The following FAM136A variants were observed in gnomAD, a reference collection of about 807,000 sequenced individuals.
The protein encoded by FAM136A is TIM double twin CX3C motif protein.
In FAM136A, 25 loss-of-function variants were observed where a neutral mutation model predicts 21.6. The ratio of observed to expected loss-of-function variants is 1.16; its 90% CI spans 0.84 to 1.62. FAM136A has a LOEUF of 1.62. FAM136A is among the 40% of genes most tolerant of loss of function. The probability of loss-of-function intolerance (pLI) is 0.00; values close to 1 mark genes in which losing one functional copy is unlikely to be tolerated. For missense variants in FAM136A, 338 were observed against 332.0 expected, an observed-to-expected ratio of 1.02 and a Z score of -0.14; for synonymous variants, 119 against 129.4, an observed-to-expected ratio of 0.92 and a Z score of 0.55.
chr2:70,297,338 G>C lies in FAM136A; in HGVS notation c.689C>G (p.Pro230Arg). Residue 230 changes from proline (P) to arginine (R), a missense_variant, in exon 3 of 3, where the codon CCA becomes CGA. By Grantham distance (103) the Pro-to-Arg change is moderately radical. Coordinates refer to ENST00000430566, the MANE Select transcript of FAM136A (RefSeq NM_001329752.2). The stretch of plus-strand genomic sequence containing the variant: ...CTCCTTCATCTTCTTGGTCATAGTT[G>C]GGATGAGGTGCATGTGGTCATCCAC... The part of the protein sequence containing the change: ...KCVDDHMHLI[P>R]TMTKKMKEAL... The C allele has an allele frequency of 6.2e-7, 1 of 1,614,054 alleles. No homozygotes were observed. Among genetic ancestry groups the C allele is most frequent in the Non-Finnish European group, 8.5e-7 (1 of 1,179,900 alleles).
At position 70,301,655 on chromosome 2, in the gene FAM136A, C is replaced by G. The variant is rs777193638; in HGVS notation, c.357G>C (p.Trp119Cys). ...ERPRRQVGSPWWQALAPPPSP... is the reference protein window; with the variant it reads ...ERPRRQVGSPCWQALAPPPSP... ...AAGGTGGTGGGGCGAGCGCCTGCCA[C>G]CAGGGGCTTCCCACCTGCCGCCGAG... is the stretch of plus-strand genomic sequence containing the variant. Residue 119 changes from tryptophan (W) to cysteine (C), a missense_variant, in exon 1 of 3, where the codon TGG (tryptophan) becomes TGC (cysteine). Trp to Cys is a radical substitution (Grantham distance 215, BLOSUM62 -2). Coordinates refer to ENST00000430566, the MANE Select transcript of FAM136A (RefSeq NM_001329752.2). 29 of 1,535,256 alleles carry G rather than the reference C, an allele frequency of 1.9e-5. No individual in the cohort carries two copies. The highest frequency in any genetic ancestry group is 2.7e-5 in the African/African-American group (2 of 73,054).
intron 2 of FAM136A, 169 bp downstream of exon 2, chr2:70,300,671 G>T: frequency 2.8e-6 from 2 of 724,028 alleles, no homozygotes; most frequent in Non-Finnish European, 4.5e-6. Context: ...GCACTCGACC[G>T]CCAAGACTTT....
chr2:70,297,176 G>GTGGCCATCC lies in FAM136A; in HGVS notation c.*104_*112dup. 9.2e-7 allele frequency: 1 copy of GTGGCCATCC among 1,083,452 alleles called. No individual in the cohort carries two copies. Among genetic ancestry groups the GTGGCCATCC allele is most frequent in the Non-Finnish European group, 1.3e-6 (1 of 763,580 alleles). 67.1% of individuals were successfully genotyped at this position (1,083,452 alleles called of 1,614,324 possible). On this transcript the variant is annotated 3_prime_UTR_variant, in exon 3 of 3. Coordinates refer to ENST00000430566, the MANE Select transcript of FAM136A (RefSeq NM_001329752.2). Reference sequence around the variant, plus strand: ...GGCAAGTGACATATGCCTTACGCTTGTGGCCATCCTTCATTTCTTCATTCG... The same window carrying GTGGCCATCC: ...GGCAAGTGACATATGCCTTACGCTTGTGGCCATCCTGGCCATCCTTCATTTCTTCATTCG...
chr2:70,301,518 T>C, intron 1 of FAM136A, 86 bp downstream of exon 1: 1 of 1,535,994 alleles, frequency 6.5e-7, no homozygotes. Flanking sequence ...GAAGCAGGCA[T>C]GACCTGGCCA....
At chr2:70,297,580 A>T in intron 2 of FAM136A, 103 bp from the exon 3 acceptor site, 1 of 947,488 alleles carries the variant, frequency 1.1e-6, no homozygotes, top group Non-Finnish European at 1.5e-6. Context: ...AATATGTATT[A>T]TCTTGGTCAA....
At position 70,302,003 on chromosome 2, in the gene FAM136A, C is replaced by G. The variant is rs1225529932; in HGVS notation, c.9G>C (p.Glu3Asp). The change falls in exon 1 of 3, where the codon GAG becomes GAC. Residue 3 changes from glutamate to aspartate, a missense_variant. Coordinates refer to ENST00000430566, the MANE Select transcript of FAM136A (RefSeq NM_001329752.2). MA[E>D]LQQLRVQEAV... ...CCTCCTGCACCCGGAGCTGCTGCAG[C>G]TCAGCCATGGCGACCCCGCGCTGCC... The G allele has an allele frequency of 6.2e-7, 1 of 1,600,056 alleles. No individual in the cohort carries two copies. Among genetic ancestry groups the G allele is most frequent in the Admixed American group, 1.7e-5 (1 of 58,468 alleles).
intron 2 of FAM136A, among the ~76,000 whole-genome samples, chr2:70,300,346 T>G (rs1200676129): frequency 1.3e-5 from 2 of 152,010 alleles, no homozygotes; most frequent in African/African-American, 4.8e-5. Flanking sequence ...TCTTTTTTTT[T>G]GAGACAGAGT....
chr2:70,301,490 G>C (rs1156839737), intron 1 of FAM136A, 114 bp downstream of exon 1: 1 of 1,535,706 alleles, frequency 6.5e-7, no homozygotes, highest in South Asian at 1.2e-5. Flanking sequence ...GCTGTGTGAA[G>C]CGAGGTTGGG....
chr2:70,301,832 G>A lies in FAM136A; in HGVS notation c.180C>T (p.Ala60=), dbSNP rs555490527. 1.3e-5 allele frequency: 20 copies of A among 1,549,856 alleles called. No homozygotes were observed. Among genetic ancestry groups the A allele is most frequent in the South Asian group, 1.2e-4 (10 of 83,870 alleles). Residue 60 remains alanine, a synonymous_variant, in exon 1 of 3, where the codon GCC becomes GCT. Coordinates refer to ENST00000430566, the MANE Select transcript of FAM136A (RefSeq NM_001329752.2). ...GCCCACACCCGGTCTGCGGGGACGC[G>A]GCTGCAGTGCAAGGCGTCGCGTGGT... ...LSHHATPCTA[A]ASPQTGCGRP... is the part of the protein sequence containing the mutation.
At position 70,297,220 on chromosome 2, in the gene FAM136A, C is replaced by G; in HGVS notation, c.*69G>C. 2 of 1,517,008 alleles carry G rather than the reference C, an allele frequency of 1.3e-6. No homozygotes were observed. Among genetic ancestry groups the G allele is most frequent in the Non-Finnish European group, 1.8e-6 (2 of 1,123,854 alleles). 94.0% of individuals were successfully genotyped at this position (1,517,008 alleles called of 1,614,324 possible). On this transcript the variant is annotated 3_prime_UTR_variant, in exon 3 of 3. Coordinates refer to ENST00000430566, the MANE Select transcript of FAM136A (RefSeq NM_001329752.2). Reference sequence around the variant, plus strand: ...TCATTCGTAAACTTTGCTTAAAAGACTAAAATTCCCAATTCCTTATAAAAA... The same window carrying G: ...TCATTCGTAAACTTTGCTTAAAAGAGTAAAATTCCCAATTCCTTATAAAAA...
chr2:70,297,620 A>AG, intron 2 of FAM136A, 143 bp from the exon 3 acceptor site: 1 of 405,720 alleles, frequency 2.5e-6, no homozygotes, highest in Non-Finnish European at 4.0e-6. Context: ...TGATTGGCCA[A>AG]GTTTTTTTTT....
chr2:70,297,544 T>C, intron 2 of FAM136A, 67 bp from the exon 3 acceptor site: 1 of 1,458,674 alleles, frequency 6.9e-7, no homozygotes. Flanking sequence ...GTGCTCATTA[T>C]GTGTTAGGCC....
At chr2:70,300,785 C>A in intron 2 of FAM136A, 55 bp downstream of exon 2, 1 of 1,503,544 alleles carries the variant, frequency 6.7e-7, no homozygotes, top group Non-Finnish European at 9.0e-7. Context: ...TGCTTGTCAT[C>A]TCCTGCAAAA....
intron 2 of FAM136A, 80 bp downstream of exon 2, chr2:70,300,760 A>G: frequency 3.4e-6 from 5 of 1,455,790 alleles, no homozygotes; most frequent in Non-Finnish European, 4.6e-6. Flanking sequence ...ACTAAAGCCA[A>G]GAGTTTTGAA....
Position 70,296,890 on chromosome 2 carries a change from T to C in FAM136A, c.*399A>G, listed in dbSNP as rs1312135682. 6.3e-6 allele frequency: 1 copy of C among 157,804 alleles called. No homozygotes were observed. Among genetic ancestry groups the C allele is most frequent in the African/African-American group, 2.4e-5 (1 of 41,574 alleles). 9.8% of individuals were successfully genotyped at this position (157,804 alleles called of 1,614,324 possible). On this transcript the variant is annotated 3_prime_UTR_variant, in exon 3 of 3. Coordinates refer to ENST00000430566, the MANE Select transcript of FAM136A (RefSeq NM_001329752.2). ...GGTGACACTTTTGGTAAACAGGATGTTGGCAACAAAGAGAAAATATCTCTC... is the reference window on the plus strand; with the variant it reads ...GGTGACACTTTTGGTAAACAGGATGCTGGCAACAAAGAGAAAATATCTCTC...
In FAM136A at chr2:70,301,791, C is replaced by G. The variant is rs764145190; in HGVS notation, c.221G>C (p.Arg74Pro). ...TCCGAAGTCCTGTCCGAGGCCGCCC[C>G]GGCGACCCCAGGGCCGCCCACACCC... is the stretch of plus-strand genomic sequence containing the variant. Reference protein sequence around the residue: ...QTGCGRPWGRRGGLGQDFGSF... With the variant: ...QTGCGRPWGRPGGLGQDFGSF... The change falls in exon 1 of 3, where the codon CGG becomes CCG. Residue 74 changes from arginine (R) to proline (P), a missense_variant. Coordinates refer to ENST00000430566, the MANE Select transcript of FAM136A (RefSeq NM_001329752.2). 5.8e-5 allele frequency: 90 copies of G among 1,547,278 alleles called. No individual in the cohort carries two copies. Among genetic ancestry groups the G allele is most frequent in the Non-Finnish European group, 6.7e-5 (77 of 1,145,762 alleles).
intron 2 of FAM136A, among the ~76,000 whole-genome samples, chr2:70,297,744 C>T (rs1393867721): frequency 3.4e-5 from 5 of 147,126 alleles, no homozygotes; most frequent in African/African-American, 1.3e-4. Flanking sequence ...CGCTATCTTT[C>T]CACCTCTGCT....
intron 1 of FAM136A, 166 bp downstream of exon 1, chr2:70,301,436 CAG>C (rs1559054511): frequency 1.3e-6 from 2 of 1,535,456 alleles, no homozygotes; most frequent in South Asian, 2.4e-5. Flanking sequence ...CCGAAACACA[CAG>C]AGGCATTGCG....
rs1362563368 is a variant in FAM136A at position 70,301,807 on chromosome 2, G to GC, written c.204dup (p.Arg69AlafsTer21). On this transcript the variant is annotated frameshift_variant, in exon 1 of 3. Transcript: ENST00000430566. LOFTEE classifies it high-confidence loss of function. Reference sequence around the variant, plus strand: ...AGGCCGCCCCGGCGACCCCAGGGCCGCCCACACCCGGTCTGCGGGGACGCG... The same window carrying GC: ...AGGCCGCCCCGGCGACCCCAGGGCCGCCCCACACCCGGTCTGCGGGGACGCG... 1.9e-6 allele frequency: 3 copies of GC among 1,547,964 alleles called. No homozygotes were observed. Among genetic ancestry groups the GC allele is most frequent in the Non-Finnish European group, 2.6e-6 (3 of 1,145,658 alleles).
Sources: gnomAD v4.1 joint callset for allele counts (sites outside exome capture counted in the v4.1 genomes callset) on GRCh38, gnomAD v4.1.1 for gene constraint, MANE v1.5 for transcripts, NCBI Gene and HGNC (gene_info 2026-07-23, HGNC 2026-07-21) for gene names.